SPCS2: variants seen among roughly 807,000 people sequenced by gnomAD.
SPCS2 encodes the protein signal peptidase complex subunit 2, also known as SPase 25 kDa subunit.
SPCS2 carries 3 observed loss-of-function variants against 22.3 expected under a neutral mutation model. That is an observed-to-expected ratio of 0.13 (90% CI 0.06 to 0.35). The LOEUF is 0.35. SPCS2 is among the 10% of genes least tolerant of loss of function. SPCS2 has a pLI of 1.00. For missense variants in SPCS2, 169 were observed against 280.9 expected (o/e 0.60, Z 2.85); for synonymous variants, 67 against 97.2 (o/e 0.69, Z 1.83).
chr11:74,951,014 T>C (rs925730687), intron 1 of SPCS2, among the ~76,000 whole-genome samples: 2 of 152,222 alleles, frequency 1.3e-5, no homozygotes, highest in African/African-American at 4.8e-5. Context: ...CACTAACTGC[T>C]CTTGCTCTTC....
chr11:74,971,241 G>T (rs1013035292), intron 4 of SPCS2, among the ~76,000 whole-genome samples: 4 of 152,114 alleles, frequency 2.6e-5, no homozygotes, highest in Non-Finnish European at 5.9e-5. Flanking sequence ...ATTCCATTTT[G>T]TTTATCCATT....
In SPCS2 at chr11:74,976,987, G is replaced by C. The variant is rs1294705712; in HGVS notation, c.625G>C (p.Glu209Gln). Reference protein sequence around the residue: ...HSGTLVMDAYEPEISRLHDSL... With the variant: ...HSGTLVMDAYQPEISRLHDSL... The stretch of plus-strand genomic sequence containing the variant: ...TGGGACACTGGTCATGGATGCATAT[G>C]AGCCTGAAATATCCAGGCTCCATGA... The change falls in exon 5 of 5, where the codon GAG (glutamate) becomes CAG (glutamine). Residue 209 changes from glutamate to glutamine, a missense_variant. Glu to Gln is a conservative substitution (Grantham distance 29). Around this residue, in one of 2 missense-constraint regions of SPCS2, gnomAD observed 118 missense variants for 243.1 expected, o/e 0.49. Transcript: ENST00000263672. 1.9e-6 allele frequency: 3 copies of C among 1,595,850 alleles called. No homozygotes were observed. In the South Asian group the frequency reaches 3.3e-5, roughly 18 times the overall value.
intron 1 of SPCS2, among the ~76,000 whole-genome samples, chr11:74,951,734 C>T (rs995448591): frequency 2.8e-5 from 4 of 142,956 alleles, no homozygotes; most frequent in Non-Finnish European, 4.5e-5. Flanking sequence ...CGCTTGAACC[C>T]GGGAGGTGGA....
chr11:74,951,007 T>C (rs1366144451), intron 1 of SPCS2, among the ~76,000 whole-genome samples: 2 of 152,240 alleles, frequency 1.3e-5, no homozygotes, highest in East Asian at 1.9e-4. Flanking sequence ...CCTGCCCCAC[T>C]AACTGCTCTT....
At chr11:74,950,667 G>A (rs377284341) in intron 1 of SPCS2, among the ~76,000 whole-genome samples, 213 of 152,292 alleles carry the variant, frequency 1.4e-3, no homozygotes, top group African/African-American at 4.8e-3. Context: ...TTCCTGAGTA[G>A]CTGGGACTGC....
At chr11:74,970,435 T>C (rs1210417998) in intron 4 of SPCS2, among the ~76,000 whole-genome samples, 1 of 152,210 alleles carries the variant, frequency 6.6e-6, no homozygotes, top group African/African-American at 2.4e-5. Flanking sequence ...TTAAATCAAC[T>C]CTTCCAGTAT....
At chr11:74,967,679 G>A (rs2140219076) in intron 3 of SPCS2, among the ~76,000 whole-genome samples, 1 of 152,270 alleles carries the variant, frequency 6.6e-6, no homozygotes, top group African/African-American at 2.4e-5. Flanking sequence ...AATCCAGGGG[G>A]CGGAAGTCAC....
At chr11:74,969,138 G>A (rs1422766999) in intron 3 of SPCS2, among the ~76,000 whole-genome samples, 1 of 152,182 alleles carries the variant, frequency 6.6e-6, no homozygotes, top group Non-Finnish European at 1.5e-5. Flanking sequence ...CTCTCTTATA[G>A]TAAACTATTT....
chr11:74,955,931 C>T lies in SPCS2; in HGVS notation c.114+6532C>T, dbSNP rs1948476789. ...TTTTCAGCTGTTGCTAGCACCATTT[C>T]TCTGCTCTGATCTCCATCTTATCAA... On this transcript the variant is annotated intron_variant, in intron 1 of 4. Transcript: ENST00000263672. Among the ~76,000 whole-genome samples the T allele has an allele frequency of 3.0e-5, 4 of 135,018 alleles. No individual in the cohort carries two copies. The Admixed American group carries it at 3.4e-4, about 11-fold the overall frequency. 88.6% of individuals were successfully genotyped at this position (135,018 alleles called of 152,430 possible).
At chr11:74,963,523 C>T (rs1948525947) in intron 1 of SPCS2, 19 of 380,448 alleles carry the variant, frequency 5.0e-5, no homozygotes, top group Middle Eastern at 8.7e-4. Context: ...TATTTTTATC[C>T]CATCTCTTAT....
chr11:74,972,820 C>CT (rs1284452875), intron 4 of SPCS2, among the ~76,000 whole-genome samples: 1 of 150,508 alleles, frequency 6.6e-6, no homozygotes, highest in African/African-American at 2.4e-5. Flanking sequence ...AATATAAAAT[C>CT]TATCTCATTT....
chr11:74,966,681 C>G (rs910604806), intron 3 of SPCS2, among the ~76,000 whole-genome samples: 1 of 152,018 alleles, frequency 6.6e-6, no homozygotes, highest in Admixed American at 6.6e-5. Context: ...ATATAAAGAA[C>G]TTAATTATAC....
intron 1 of SPCS2, among the ~76,000 whole-genome samples, chr11:74,956,740 A>G (rs898957042): frequency 9.9e-5 from 15 of 151,994 alleles, no homozygotes; most frequent in Admixed American, 9.2e-4. Flanking sequence ...CTAAACTCCA[A>G]ATCCCTAATT....
chr11:74,975,763 C>A (rs1412611389), intron 4 of SPCS2, among the ~76,000 whole-genome samples: 1 of 152,240 alleles, frequency 6.6e-6, no homozygotes, highest in Admixed American at 6.5e-5. Flanking sequence ...ATGATAGACA[C>A]TGTTTTAGTC....
chr11:74,954,631 T>G (rs1591734884), intron 1 of SPCS2, among the ~76,000 whole-genome samples: 1 of 152,136 alleles, frequency 6.6e-6, no homozygotes, highest in East Asian at 1.9e-4. Context: ...ATTACTATAA[T>G]TGTGTGTGTG....
chr11:74,953,128 G>A (rs976918036), intron 1 of SPCS2, among the ~76,000 whole-genome samples: 1 of 151,806 alleles, frequency 6.6e-6, no homozygotes, highest in Non-Finnish European at 1.5e-5. Context: ...AGAACTTGGG[G>A]AAAAAAATGT....
rs1354606090 is a variant in SPCS2, at chr11:74,949,352, G to A, written c.67G>A (p.Ala23Thr). 1.9e-6 allele frequency: 3 copies of A among 1,551,548 alleles called. No homozygotes were observed. The highest frequency in any genetic ancestry group is 2.6e-6 in the Non-Finnish European group (3 of 1,146,940). The change falls in exon 1 of 5, where the codon GCT (alanine) becomes ACT (threonine). Residue 23 changes from alanine (A) to threonine (T), a missense_variant. Ala to Thr is a moderately conservative substitution (Grantham distance 58). Transcript: ENST00000263672. ...GSGGCSGAGG[A>T]SNCGTGSGRS... Reference sequence around the variant, plus strand: ...CGGAGGCTGTAGTGGGGCTGGTGGTGCTTCCAACTGCGGGACAGGAAGTGG... The same window carrying A: ...CGGAGGCTGTAGTGGGGCTGGTGGTACTTCCAACTGCGGGACAGGAAGTGG...
chr11:74,967,760 T>C (rs534976960), intron 3 of SPCS2, among the ~76,000 whole-genome samples: 156 of 151,928 alleles, frequency 1.0e-3, no homozygotes, highest in Admixed American at 1.7e-3. Context: ...AATAAATAAA[T>C]TAATTAGATA....
At chr11:74,975,377 C>G (rs899690593) in intron 4 of SPCS2, among the ~76,000 whole-genome samples, 1 of 152,062 alleles carries the variant, frequency 6.6e-6, no homozygotes, top group African/African-American at 2.4e-5. Flanking sequence ...TGTCTGTTCC[C>G]TCACACACAC....
Sources: gnomAD v4.1 joint callset for allele counts (sites outside exome capture counted in the v4.1 genomes callset) on GRCh38, gnomAD v4.1.1 for gene constraint, gnomAD v4.1.1 regional missense constraint, MANE v1.5 for transcripts, NCBI Gene and HGNC (gene_info 2026-07-23, HGNC 2026-07-21) for gene names.